Variants in ZFYVE1 observed in about 807,000 individuals in gnomAD.
The protein encoded by ZFYVE1 is zinc finger FYVE domain-containing protein 1.
In ZFYVE1, 30 loss-of-function variants were observed where a neutral mutation model predicts 74.4. The observed-to-expected ratio is 0.40, with a 90% CI of 0.30 to 0.55. ZFYVE1 has a LOEUF of 0.55. Among genes scored for constraint, ZFYVE1 ranks in the 20% least tolerant of loss-of-function variants. The pLI is 0.42. For synonymous variants in ZFYVE1, 335 were observed against 385.1 expected (o/e 0.87, Z 1.52); for missense variants, 703 against 1,011.6 (o/e 0.69, Z 4.14).
chr14:72,992,615 G>GC (rs555003383), intron 4 of ZFYVE1, among the ~76,000 whole-genome samples: 2,609 of 108,914 alleles, frequency 0.024, 240 homozygotes, highest in South Asian at 0.088. Context: ...CCATTCAGGT[G>GC]CCCCCCCCGC....
chr14:73,013,583 G>A (rs1224578312), intron 2 of ZFYVE1, among the ~76,000 whole-genome samples: 3 of 151,172 alleles, frequency 2.0e-5, no homozygotes, highest in East Asian at 3.9e-4. Context: ...TGGGTGACAA[G>A]AGCGAAACTC....
At chr14:73,021,352 TAAAA>T (rs1201908014) in intron 2 of ZFYVE1, among the ~76,000 whole-genome samples, 1 of 57,120 alleles carries the variant, frequency 1.8e-5, no homozygotes, top group African/African-American at 6.1e-5. Context: ...TGTCTCAAAA[TAAAA>T]ATAAATAAAT....
Position 72,975,273 on chromosome 14 carries a change from G to A in ZFYVE1, c.1806+278C>T. 1 of 509,222 alleles carries A rather than the reference G, an allele frequency of 2.0e-6. No individual in the cohort carries two copies. The highest frequency in any genetic ancestry group is 3.4e-6 in the Non-Finnish European group (1 of 292,042). The allele number at this position is 509,222 out of a possible 1,614,324, so 31.5% of individuals were successfully genotyped here. A position where few individuals can be genotyped will look rare whatever the true frequency, so the allele number is the denominator to read the frequency against. Reference sequence around the variant, plus strand: ...CCCTTTTCCTCCAGATTCTTATCTGGGTCCTCACATATCTAAGCAATATTC... The same window carrying A: ...CCCTTTTCCTCCAGATTCTTATCTGAGTCCTCACATATCTAAGCAATATTC... On this transcript the variant is annotated intron_variant, in intron 9 of 11. Transcript: ENST00000556143. This position sits in a 1 kb window ranked among gnomAD's most constrained non-coding sequence, Gnocchi z 4.1.
rs1893140870 is a variant in ZFYVE1, at chr14:72,975,360, CGAAGG to C, written c.1806+186_1806+190del. Among the ~76,000 whole-genome samples the C allele has an allele frequency of 6.6e-6, 1 of 152,240 alleles. No homozygotes were observed. The highest frequency in any genetic ancestry group is 1.9e-4 in the East Asian group (1 of 5,182). ...AACAGAAAATACTTGCAGGAAAACACGAAGGGAAATCAATGGGCAAAGAGAAACTG... is the reference window on the plus strand; with the variant it reads ...AACAGAAAATACTTGCAGGAAAACACGAAATCAATGGGCAAAGAGAAACTG... On this transcript the variant is annotated intron_variant, in intron 9 of 11. Coordinates refer to ENST00000556143, the MANE Select transcript of ZFYVE1 (RefSeq NM_021260.4). The surrounding 1 kb of genome is among the most constrained non-coding windows in gnomAD (Gnocchi z 4.1).
intron 11 of ZFYVE1, among the ~76,000 whole-genome samples, chr14:72,973,027 C>T (rs1893075333): frequency 6.6e-6 from 1 of 151,622 alleles, no homozygotes; most frequent in Non-Finnish European, 1.5e-5. Context: ...TCTTAAACTA[C>T]TAACAGTTTG....
chr14:72,989,975 C>T (rs1167217258), intron 4 of ZFYVE1, among the ~76,000 whole-genome samples: 1 of 151,810 alleles, frequency 6.6e-6, no homozygotes, highest in Non-Finnish European at 1.5e-5. Context: ...AAAATAAAAA[C>T]AAGTGGAGAA....
rs1474117564 is a variant in ZFYVE1 at position 73,024,122 on chromosome 14, T to C, written c.387A>G (p.Ser129=). The change falls in exon 2 of 12, where the codon TCA becomes TCG. Residue 129 remains serine, a synonymous_variant. Transcript: ENST00000556143. The stretch of plus-strand genomic sequence containing the variant: ...CCTCATCCATCTCTTCTGCCTCCAG[T>C]GACTCCTGGAGATTACTGACATTGT... ...TVYNVSNLQE[S]LEAEEMDEET... 1.9e-6 allele frequency: 3 copies of C among 1,614,080 alleles called. No homozygotes were observed. The highest frequency in any genetic ancestry group is 2.5e-6 in the Non-Finnish European group (3 of 1,180,036).
chr14:72,994,315 G>A (rs544186086), intron 3 of ZFYVE1, among the ~76,000 whole-genome samples: 2 of 91,378 alleles, frequency 2.2e-5, no homozygotes, highest in African/African-American at 4.3e-5. Context: ...AGAGCGAGAC[G>A]CTGTCTCAAA....
rs767065461 is a variant in ZFYVE1, at chr14:73,024,466, C to G, written c.43G>C (p.Gly15Arg). The change falls in exon 2 of 12, where the codon GGG becomes CGG. Residue 15 changes from glycine to arginine, a missense_variant. Physicochemically the swap from Gly to Arg is moderately radical, Grantham distance 125. Around this residue, in one of 2 missense-constraint regions of ZFYVE1, gnomAD observed 211 missense variants for 221.7 expected, o/e 0.95. Coordinates refer to ENST00000556143, the MANE Select transcript of ZFYVE1 (RefSeq NM_021260.4). ...GCGTAACTTTCCTGGCACATCAGCCCCGGATTCAGGCCCTTCTCTGCTGGG... is the reference window on the plus strand; with the variant it reads ...GCGTAACTTTCCTGGCACATCAGCCGCGGATTCAGGCCCTTCTCTGCTGGG... ...TSPAEKGLNPGLMCQESYACS... is the reference protein window; with the variant it reads ...TSPAEKGLNPRLMCQESYACS... The G allele has an allele frequency of 3.1e-6, 5 of 1,613,080 alleles. No individual in the cohort carries two copies. In the Admixed American group the frequency reaches 8.3e-5, roughly 27 times the overall value.
rs529390382 is a variant in ZFYVE1, at chr14:73,026,352, T to G, written c.-435+574A>C. 2.0e-5 allele frequency among the ~76,000 whole-genome samples: 3 copies of G among 152,312 alleles called. No individual in the cohort carries two copies. The East Asian group carries it at 5.8e-4, about 29-fold the overall frequency. ...TAATTCCCCCTAGCCTTGACCCGCATTCCAAGGCCCCGACAAGGTGTAAAG... is the reference window on the plus strand; with the variant it reads ...TAATTCCCCCTAGCCTTGACCCGCAGTCCAAGGCCCCGACAAGGTGTAAAG... On this transcript the variant is annotated intron_variant, in intron 1 of 11. Coordinates refer to ENST00000556143, the MANE Select transcript of ZFYVE1 (RefSeq NM_021260.4).
rs186723299 is a variant in ZFYVE1, at chr14:73,012,444, A to T, written c.483+11582T>A. On this transcript the variant is annotated intron_variant, in intron 2 of 11. Coordinates refer to ENST00000556143, the MANE Select transcript of ZFYVE1 (RefSeq NM_021260.4). ...CGAGACCAGCCTGACTAATGTCATG[A>T]AACCCTGTCTTTACTAAAAATAACA... Among the ~76,000 whole-genome samples, 260 of 152,278 alleles carry T rather than the reference A, an allele frequency of 1.7e-3. 2 individuals are homozygous for T. The highest frequency in any genetic ancestry group is 5.8e-3 in the African/African-American group (239 of 41,538).
chr14:72,980,618 A>G (rs1893302388), intron 5 of ZFYVE1, among the ~76,000 whole-genome samples: 1 of 151,818 alleles, frequency 6.6e-6, no homozygotes, highest in Non-Finnish European at 1.5e-5. Flanking sequence ...CCCAGGCTGG[A>G]GTGCAGTGGC....
rs1290527785 is a variant in ZFYVE1, at chr14:72,979,981, GAA to G, written c.1311-1014_1311-1013del. On this transcript the variant is annotated intron_variant, in intron 5 of 11. Coordinates refer to ENST00000556143, the MANE Select transcript of ZFYVE1 (RefSeq NM_021260.4). ...TTTAGAATTTCACTATGATAAAAGG[GAA>G]AGTTCCAGAAATCCTGGGGAGGCTC... 4.6e-5 allele frequency among the ~76,000 whole-genome samples: 7 copies of G among 152,144 alleles called. No homozygotes were observed. The East Asian group carries it at 5.8e-4, about 13-fold the overall frequency.
intron 4 of ZFYVE1, among the ~76,000 whole-genome samples, chr14:72,987,172 C>T (rs953941516): frequency 6.6e-6 from 1 of 152,204 alleles, no homozygotes; most frequent in Admixed American, 6.5e-5. Context: ...TGACATCACA[C>T]CCCAACAAAA....
In ZFYVE1 at chr14:72,970,065, G is replaced by C. The variant is rs1361208735; in HGVS notation, c.*817C>G. 1 of 334,388 alleles carries C rather than the reference G, an allele frequency of 3.0e-6. No individual in the cohort carries two copies. Among genetic ancestry groups the C allele is most frequent in the Non-Finnish European group, 5.5e-6 (1 of 182,982 alleles). 20.7% of individuals were successfully genotyped at this position (334,388 alleles called of 1,614,324 possible). A position where few individuals can be genotyped will look rare whatever the true frequency, so the allele number is the denominator to read the frequency against. ...GCAGATGCTTCGATTGAGGAGCTGG[G>C]TGCCGCCTTTTGGGAAAGCCGAGTG... On this transcript the variant is annotated 3_prime_UTR_variant, in exon 12 of 12. Coordinates refer to ENST00000556143, the MANE Select transcript of ZFYVE1 (RefSeq NM_021260.4).
chr14:72,972,284 A>C (rs1893054803), intron 11 of ZFYVE1, among the ~76,000 whole-genome samples: 1 of 152,100 alleles, frequency 6.6e-6, no homozygotes, highest in South Asian at 2.1e-4. Flanking sequence ...AAGAACTGTG[A>C]TGAGGATGAG....
chr14:72,980,527 GAATTAATT>G (rs35853251), intron 5 of ZFYVE1, among the ~76,000 whole-genome samples: 3,618 of 140,638 alleles, frequency 0.026, 61 homozygotes, highest in African/African-American at 0.035. Flanking sequence ...CATCACCTGA[GAATTAATT>G]AATTTATTTA....
At chr14:72,996,985 A>C (rs1238187028) in intron 3 of ZFYVE1, among the ~76,000 whole-genome samples, 1 of 152,160 alleles carries the variant, frequency 6.6e-6, no homozygotes, top group Non-Finnish European at 1.5e-5. Context: ...CTCAGGTGAC[A>C]ATCTTGCTTC....
chr14:72,974,642 A>G, intron 10 of ZFYVE1, 137 bp downstream of exon 10: 1 of 1,133,658 alleles, frequency 8.8e-7, no homozygotes, highest in South Asian at 1.7e-5. Context: ...AGGAGCTTAG[A>G]GGCTGACTGG....
Sources: allele counts gnomAD v4.1 joint callset (sites outside exome capture counted in the v4.1 genomes callset), GRCh38; gene constraint gnomAD v4.1.1; regional missense constraint gnomAD v4.1.1; non-coding constraint Gnocchi (gnomAD v3.1); transcripts MANE v1.5; gene names NCBI Gene and HGNC (gene_info 2026-07-23, HGNC 2026-07-21).